The following PITPNC1 variants were observed in gnomAD, a reference collection of about 807,000 sequenced individuals.
PITPNC1 encodes cytoplasmic phosphatidylinositol transfer protein 1.
A neutral mutation model predicts 44.7 loss-of-function variants in PITPNC1; 18 were observed. The observed-to-expected ratio is 0.40, with a 90% CI of 0.28 to 0.60. The LOEUF (loss-of-function observed/expected upper bound fraction) is 0.60. Among genes scored for constraint, PITPNC1 ranks in the 20% least tolerant of loss-of-function variants. PITPNC1 has a pLI of 0.39. For missense variants in PITPNC1, 290 were observed against 418.4 expected, an observed-to-expected ratio of 0.69 and a Z score of 2.68; for synonymous variants, 141 against 149.6, an observed-to-expected ratio of 0.94 and a Z score of 0.42.
chr17:67,495,052 G>GTTTTTTTTT (rs1243868487), intron 1 of PITPNC1, among the ~76,000 whole-genome samples: 68 of 38,578 alleles, frequency 1.8e-3, no homozygotes, highest in South Asian at 2.7e-3. Flanking sequence ...TTTTTTTTTT[G>GTTTTTTTTT]TTTTTTTTTT....
intron 6 of PITPNC1, among the ~76,000 whole-genome samples, chr17:67,648,990 A>G (rs2042180987): frequency 6.6e-6 from 1 of 152,066 alleles, no homozygotes; most frequent in Non-Finnish European, 1.5e-5. Context: ...CCCATCTACA[A>G]AATATTTTTA....
rs1442010835 is a variant in PITPNC1, at chr17:67,513,487, G to GTATATATA, written c.49-19314_49-19313insATATATAT. Among the ~76,000 whole-genome samples the GTATATATA allele has an allele frequency of 2.9e-3, 400 of 136,898 alleles. 4 individuals carry two copies. The highest frequency in any genetic ancestry group is 0.012 in the African/African-American group (387 of 32,978). 89.8% of individuals were successfully genotyped at this position (136,898 alleles called of 152,430 possible). ...CTATATTTTTACTATATGTGTGTGT[G>GTATATATA]TGTATATATATATATATATATATAT... On this transcript the variant is annotated intron_variant, in intron 1 of 8. Coordinates refer to ENST00000581322, the MANE Select transcript of PITPNC1 (RefSeq NM_012417.4).
At chr17:67,487,819 T>C (rs2039802415) in intron 1 of PITPNC1, among the ~76,000 whole-genome samples, 1 of 152,142 alleles carries the variant, frequency 6.6e-6, no homozygotes, top group Non-Finnish European at 1.5e-5. Flanking sequence ...GTTCACACAC[T>C]TGGGGTTTGG....
rs187655191 is a variant in PITPNC1 at position 67,645,357 on chromosome 17, A to C, written c.462+13119A>C. 5.9e-3 allele frequency among the ~76,000 whole-genome samples: 888 copies of C among 151,734 alleles called. 10 individuals are homozygous for C. The highest frequency in any genetic ancestry group is 0.021 in the African/African-American group (854 of 41,222). On this transcript the variant is annotated intron_variant, in intron 6 of 8. Coordinates refer to ENST00000581322, the MANE Select transcript of PITPNC1 (RefSeq NM_012417.4). ...ACTCCATCTCAGAAAAAAAAAAAAA[A>C]AAAAAGAGAAAGTGATTTGTTTTGA...
intron 5 of PITPNC1, among the ~76,000 whole-genome samples, chr17:67,606,501 G>T (rs2144283611): frequency 6.6e-6 from 1 of 152,354 alleles, no homozygotes; most frequent in East Asian, 1.9e-4. Flanking sequence ...CTAAGTCGGA[G>T]ACGTTTGCAG....
intron 2 of PITPNC1, among the ~76,000 whole-genome samples, chr17:67,551,813 T>C (rs903422853): frequency 6.6e-6 from 1 of 152,218 alleles, no homozygotes; most frequent in African/African-American, 2.4e-5. Flanking sequence ...GTTTTGTCCA[T>C]TTTCAAAATG....
chr17:67,455,965 T>G (rs2039249572), intron 1 of PITPNC1, among the ~76,000 whole-genome samples: 1 of 152,224 alleles, frequency 6.6e-6, no homozygotes, highest in South Asian at 2.1e-4. Flanking sequence ...AAACGTACAC[T>G]TATGTACCCA....
intron 1 of PITPNC1, among the ~76,000 whole-genome samples, chr17:67,436,591 A>G (rs564218782): frequency 4.6e-5 from 7 of 152,260 alleles, no homozygotes; most frequent in African/African-American, 1.4e-4. Flanking sequence ...AGTTTGGGAT[A>G]TGTCCTTTTT....
rs550334519 is a variant in PITPNC1, at chr17:67,432,870, G to T, written c.48+54668G>T. Among the ~76,000 whole-genome samples the T allele has an allele frequency of 2.6e-5, 4 of 152,268 alleles. No individual in the cohort carries two copies. The South Asian group carries it at 8.3e-4, about 31-fold the overall frequency. ...CCACTGTTTATTGAGTGATTATTAT[G>T]TGCCAGATACAGCTCTGGACACAGG... On this transcript the variant is annotated intron_variant, in intron 1 of 8. Coordinates refer to ENST00000581322, the MANE Select transcript of PITPNC1 (RefSeq NM_012417.4).
intron 1 of PITPNC1, among the ~76,000 whole-genome samples, chr17:67,452,884 T>C (rs1285268324): frequency 2.0e-5 from 3 of 152,214 alleles, no homozygotes; most frequent in Non-Finnish European, 2.9e-5. Context: ...TAGCAACATA[T>C]GAGCGTTTTG....
intron 1 of PITPNC1, among the ~76,000 whole-genome samples, chr17:67,495,052 G>GTTTTTTTTTT (rs1243868487): frequency 3.5e-3 from 136 of 38,562 alleles, no homozygotes; most frequent in African/African-American, 8.7e-3. Context: ...TTTTTTTTTT[G>GTTTTTTTTTT]TTTTTTTTTT....
intron 5 of PITPNC1, among the ~76,000 whole-genome samples, chr17:67,608,766 A>T (rs1437410548): frequency 6.7e-6 from 1 of 149,018 alleles, no homozygotes; most frequent in Non-Finnish European, 1.5e-5. Flanking sequence ...AGCCTCCCAA[A>T]GCGTTGGGAG....
intron 6 of PITPNC1, among the ~76,000 whole-genome samples, chr17:67,635,497 AAC>A (rs559459907): frequency 5.9e-5 from 9 of 152,194 alleles, no homozygotes; most frequent in Non-Finnish European, 1.3e-4. Flanking sequence ...TGAGGCATCT[AAC>A]ACAGACAGAA....
At chr17:67,657,929 T>TA (rs1389428989) in intron 6 of PITPNC1, among the ~76,000 whole-genome samples, 37 of 152,354 alleles carry the variant, frequency 2.4e-4, no homozygotes, top group African/African-American at 8.7e-4. Context: ...TCTTGAAGAA[T>TA]ATGAATCTGA....
intron 1 of PITPNC1, among the ~76,000 whole-genome samples, chr17:67,392,760 G>A (rs2038156774): frequency 6.6e-6 from 1 of 152,092 alleles, no homozygotes; most frequent in African/African-American, 2.4e-5. Flanking sequence ...ATTTGAAGAG[G>A]ACTGCACTTC....
At chr17:67,541,517 T>A (rs2040607934) in intron 2 of PITPNC1, among the ~76,000 whole-genome samples, 1 of 151,982 alleles carries the variant, frequency 6.6e-6, no homozygotes, top group Admixed American at 6.6e-5. Flanking sequence ...TGTAATAGAT[T>A]ATACAGCTGC....
chr17:67,424,770 G>A (rs551042209), intron 1 of PITPNC1, among the ~76,000 whole-genome samples: 3 of 151,624 alleles, frequency 2.0e-5, no homozygotes, highest in African/African-American at 7.3e-5. Flanking sequence ...TGATCGGCTC[G>A]CTGCAACCTC....
rs140416354 is a variant in PITPNC1, at chr17:67,463,643, T to A, written c.49-69159T>A. Among the ~76,000 whole-genome samples, 814 of 152,288 alleles carry A rather than the reference T, an allele frequency of 5.3e-3. 6 individuals are homozygous for A. Among genetic ancestry groups the A allele is most frequent in the African/African-American group, 0.018 (735 of 41,566 alleles). Reference sequence around the variant, plus strand: ...GGCTAGGCGCAGTGCCTCACACCTGTAATCCCAGCACCTTGGGAGGCTGAG... The same window carrying A: ...GGCTAGGCGCAGTGCCTCACACCTGAAATCCCAGCACCTTGGGAGGCTGAG... On this transcript the variant is annotated intron_variant, in intron 1 of 8. Transcript: ENST00000581322.
chr17:67,413,153 G>C (rs530581455), intron 1 of PITPNC1, among the ~76,000 whole-genome samples: 1 of 152,192 alleles, frequency 6.6e-6, no homozygotes, highest in Non-Finnish European at 1.5e-5. Flanking sequence ...GTGTTTTCCA[G>C]TTTTCCAACC....
Sources: gnomAD v4.1 joint callset for allele counts (sites outside exome capture counted in the v4.1 genomes callset) on GRCh38, gnomAD v4.1.1 for gene constraint, MANE v1.5 for transcripts, NCBI Gene and HGNC (gene_info 2026-07-23, HGNC 2026-07-21) for gene names.